Variants in PDCD1LG2 observed in about 807,000 individuals in gnomAD.
PDCD1LG2 encodes the protein programmed cell death 1 ligand 2.
A neutral mutation model predicts 28.2 loss-of-function variants in PDCD1LG2; 32 were observed. The ratio of observed to expected loss-of-function variants is 1.13; its 90% CI spans 0.86 to 1.52. The LOEUF (loss-of-function observed/expected upper bound fraction) is 1.52, where lower values mean the gene tolerates loss of function less well. Among genes scored for constraint, PDCD1LG2 ranks in the 40% most tolerant of loss-of-function variants. The pLI, the probability that PDCD1LG2 is intolerant of heterozygous loss-of-function variation, is 0.00. For synonymous variants in PDCD1LG2, 116 were observed against 120.2 expected (o/e 0.97, Z 0.23); for missense variants, 385 against 323.8 (o/e 1.19, Z -1.45).
intron 5 of PDCD1LG2, among the ~76,000 whole-genome samples, chr9:5,561,601 A>G (rs1475924295): frequency 1.3e-5 from 2 of 152,238 alleles, no homozygotes; most frequent in Admixed American, 6.5e-5. Context: ...TTATACATTG[A>G]CTTGCTGAGC....
intron 3 of PDCD1LG2, among the ~76,000 whole-genome samples, chr9:5,538,550 C>T (rs754269897): frequency 2.2e-4 from 34 of 151,904 alleles, no homozygotes; most frequent in African/African-American, 3.4e-4. Context: ...TAGCCGGGCG[C>T]GGTGGCGGGC....
intron 5 of PDCD1LG2, among the ~76,000 whole-genome samples, chr9:5,559,937 C>A (rs140560022): frequency 6.6e-6 from 1 of 152,108 alleles, no homozygotes. Context: ...CTTTCAATTC[C>A]GAGTTTTCTC....
intron 3 of PDCD1LG2, 99 bp downstream of exon 3, chr9:5,535,149 C>A: frequency 9.0e-7 from 1 of 1,114,606 alleles, no homozygotes; most frequent in Non-Finnish European, 1.2e-6. Context: ...CAAAAACAAG[C>A]AGGCTGCTTT....
At chr9:5,568,381 C>T (rs1816707611) in intron 6 of PDCD1LG2, among the ~76,000 whole-genome samples, 1 of 152,112 alleles carries the variant, frequency 6.6e-6, no homozygotes, top group African/African-American at 2.4e-5. Flanking sequence ...CTCATAGAAG[C>T]GTGAATCCTA....
At chr9:5,545,314 T>C (rs1205847661) in intron 3 of PDCD1LG2, among the ~76,000 whole-genome samples, 1 of 152,252 alleles carries the variant, frequency 6.6e-6, no homozygotes, top group Admixed American at 6.5e-5. Context: ...TTACCATATG[T>C]TGTGTTACTA....
chr9:5,519,749 C>T (rs930462578), intron 1 of PDCD1LG2, among the ~76,000 whole-genome samples: 5 of 152,178 alleles, frequency 3.3e-5, no homozygotes, highest in Non-Finnish European at 5.9e-5. Context: ...CTACAACAAA[C>T]GTAACTCTTT....
intron 6 of PDCD1LG2, among the ~76,000 whole-genome samples, chr9:5,567,124 A>G (rs1183905845): frequency 6.6e-6 from 1 of 152,236 alleles, no homozygotes; most frequent in Non-Finnish European, 1.5e-5. Flanking sequence ...TCTAGATCCC[A>G]GTAACCAAAT....
intron 6 of PDCD1LG2, among the ~76,000 whole-genome samples, chr9:5,566,313 GA>G (rs1480977945): frequency 6.6e-6 from 1 of 152,210 alleles, no homozygotes. Flanking sequence ...CCTGACTTGT[GA>G]AAATGCCTAA....
chr9:5,561,353 C>T (rs537841618), intron 5 of PDCD1LG2, among the ~76,000 whole-genome samples: 2 of 152,142 alleles, frequency 1.3e-5, no homozygotes, highest in Non-Finnish European at 2.9e-5. Flanking sequence ...TTTAATTTCA[C>T]AAAAATTGCT....
At chr9:5,519,391 C>T (rs921979695) in intron 1 of PDCD1LG2, among the ~76,000 whole-genome samples, 2 of 152,072 alleles carry the variant, frequency 1.3e-5, no homozygotes, top group Non-Finnish European at 2.9e-5. Flanking sequence ...ATTGGCTAAC[C>T]CTGGGAGCGG....
chr9:5,511,331 G>A (rs751002190), intron 1 of PDCD1LG2, among the ~76,000 whole-genome samples: 2 of 152,102 alleles, frequency 1.3e-5, no homozygotes, highest in African/African-American at 4.8e-5. Flanking sequence ...CATGATTTGG[G>A]GACTATGGAA....
intron 3 of PDCD1LG2, among the ~76,000 whole-genome samples, chr9:5,548,435 A>G (rs1816256009): frequency 6.6e-6 from 1 of 152,182 alleles, no homozygotes; most frequent in African/African-American, 2.4e-5. Context: ...CATCTTGGTT[A>G]TTGTGAATCA....
At chr9:5,532,629 T>C (rs1820504258) in intron 2 of PDCD1LG2, among the ~76,000 whole-genome samples, 1 of 152,186 alleles carries the variant, frequency 6.6e-6, no homozygotes, top group Non-Finnish European at 1.5e-5. Flanking sequence ...AAGAAAAACT[T>C]GAATCAGAGG....
intron 1 of PDCD1LG2, among the ~76,000 whole-genome samples, chr9:5,520,666 C>A (rs1820256257): frequency 6.6e-6 from 1 of 151,992 alleles, no homozygotes; most frequent in Non-Finnish European, 1.5e-5. Flanking sequence ...TACTTAAAAT[C>A]AATTTGTGTT....
chr9:5,513,840 G>A (rs1820106484), intron 1 of PDCD1LG2, among the ~76,000 whole-genome samples: 2 of 152,190 alleles, frequency 1.3e-5, no homozygotes, highest in Non-Finnish European at 2.9e-5. Context: ...AATGGAAAAT[G>A]GTAGGACCTG....
At chr9:5,553,163 A>G (rs1262902539) in intron 4 of PDCD1LG2, among the ~76,000 whole-genome samples, 3 of 152,174 alleles carry the variant, frequency 2.0e-5, no homozygotes, top group Non-Finnish European at 4.4e-5. Context: ...GGGAGGGGAA[A>G]GAAAGAAACT....
At position 5,561,459 on chromosome 9, in the gene PDCD1LG2, C is replaced by G. The variant is rs182552684; in HGVS notation, c.767-1703C>G. 3.0e-4 allele frequency among the ~76,000 whole-genome samples: 45 copies of G among 152,300 alleles called. No homozygotes were observed. The East Asian group carries it at 7.7e-3, about 26-fold the overall frequency. ...AAGTCATACAGCTGGGATTTGAATACAGGTCTGTTTGACTCCAAAACTTGT... is the reference window on the plus strand; with the variant it reads ...AAGTCATACAGCTGGGATTTGAATAGAGGTCTGTTTGACTCCAAAACTTGT... On this transcript the variant is annotated intron_variant, in intron 5 of 6. Transcript: ENST00000397747.
At chr9:5,530,274 G>A (rs1448879095) in intron 2 of PDCD1LG2, among the ~76,000 whole-genome samples, 2 of 152,132 alleles carry the variant, frequency 1.3e-5, no homozygotes, top group Non-Finnish European at 2.9e-5. Flanking sequence ...CTTTTGCCAA[G>A]TCTTTTGCCC....
intron 1 of PDCD1LG2, among the ~76,000 whole-genome samples, chr9:5,514,839 T>C (rs2381282): frequency 0.54 from 80,452 of 147,964 alleles, 22,513 homozygotes; most frequent in African/African-American, 0.7. Context: ...AAATACAAGG[T>C]AGACAAGAAA....
Sources: allele counts gnomAD v4.1 joint callset (sites outside exome capture counted in the v4.1 genomes callset), GRCh38; gene constraint gnomAD v4.1.1; transcripts MANE v1.5; gene names NCBI Gene and HGNC (gene_info 2026-07-23, HGNC 2026-07-21).